The following TNFSF4 variants were observed in gnomAD, a reference collection of about 807,000 sequenced individuals.
The protein encoded by TNFSF4 is TNF superfamily member 4.
In TNFSF4, 4 loss-of-function variants were observed where a neutral mutation model predicts 7.3. That is an observed-to-expected ratio of 0.55 (90% CI 0.27 to 1.25). The LOEUF (loss-of-function observed/expected upper bound fraction) is 1.25. TNFSF4 is among the 50% of genes most tolerant of loss of function. TNFSF4 has a pLI of 0.12. For missense variants in TNFSF4, 181 were observed against 208.8 expected, an observed-to-expected ratio of 0.87 and a Z score of 0.82; for synonymous variants, 76 against 83.7, an observed-to-expected ratio of 0.91 and a Z score of 0.50.
At chr1:173,394,783 C>T in the TNFSF4 span, among the ~76,000 whole-genome samples, 180 of 152,206 alleles carry the variant, frequency 1.2e-3, 1 homozygote, top group African/African-American at 4.0e-3. Context: ...CTGAACTTAT[C>T]CCTTTCAAGG....
At chr1:173,374,094 C>A in the TNFSF4 span, among the ~76,000 whole-genome samples, 3 of 152,272 alleles carry the variant, frequency 2.0e-5, no homozygotes, top group Admixed American at 2.0e-4. Flanking sequence ...CTTGCCCATG[C>A]CCTTGTTAAA....
upstream of TNFSF4, among the ~76,000 whole-genome samples, chr1:173,211,508 C>A (rs1650371555): frequency 6.6e-6 from 1 of 152,198 alleles, no homozygotes; most frequent in Non-Finnish European, 1.5e-5. Flanking sequence ...TGAGCTCCTG[C>A]AGTCAGCTCT....
the TNFSF4 span, among the ~76,000 whole-genome samples, chr1:173,442,766 G>A: frequency 6.6e-6 from 1 of 151,796 alleles, no homozygotes; most frequent in Non-Finnish European, 1.5e-5. Context: ...GGTCAGGCTG[G>A]TCTCGAACTC....
At chr1:173,179,067 T>A (rs1649005712), downstream of TNFSF4, among the ~76,000 whole-genome samples, 1 of 152,234 alleles carries the variant, frequency 6.6e-6, no homozygotes, top group Non-Finnish European at 1.5e-5. Context: ...GCTAACAACA[T>A]GCTTTTAGCC....
the TNFSF4 span, among the ~76,000 whole-genome samples, chr1:173,281,052 A>G: frequency 6.6e-6 from 1 of 152,100 alleles, no homozygotes; most frequent in South Asian, 2.1e-4. Context: ...TTGAGTCTCA[A>G]AAAAATGGGG....
At chr1:173,437,748 T>C in the TNFSF4 span, among the ~76,000 whole-genome samples, 2 of 152,196 alleles carry the variant, frequency 1.3e-5, no homozygotes, top group Non-Finnish European at 2.9e-5. Context: ...GTTCCATCTA[T>C]ATACAGTCCA....
At chr1:173,266,906 T>C in the TNFSF4 span, among the ~76,000 whole-genome samples, 1 of 152,158 alleles carries the variant, frequency 6.6e-6, no homozygotes, top group East Asian at 1.9e-4. Flanking sequence ...TCATTCTCAG[T>C]ATCACGGTGT....
At chr1:173,192,214 A>C (rs1649517950) in intron 1 of TNFSF4, among the ~76,000 whole-genome samples, 1 of 152,214 alleles carries the variant, frequency 6.6e-6, no homozygotes, top group African/African-American at 2.4e-5. Context: ...CAAATCCTTG[A>C]GTTTCAGTCT....
the TNFSF4 span, among the ~76,000 whole-genome samples, chr1:173,410,580 C>T: frequency 3.6e-4 from 55 of 152,288 alleles, no homozygotes; most frequent in African/African-American, 1.3e-3. Flanking sequence ...TGGGAGGGAA[C>T]ATTCAAAAGA....
At chr1:173,378,877 T>TCCCC in the TNFSF4 span, among the ~76,000 whole-genome samples, 1 of 131,658 alleles carries the variant, frequency 7.6e-6, no homozygotes, top group African/African-American at 2.8e-5. Context: ...AGAACCCCCC[T>TCCCC]CCCCCCCCAC....
chr1:173,223,257 C>T, the TNFSF4 span, among the ~76,000 whole-genome samples: 4 of 152,154 alleles, frequency 2.6e-5, no homozygotes, highest in Non-Finnish European at 5.9e-5. Context: ...ACCTGGCATA[C>T]AGCTTTTAAC....
At chr1:173,356,233 C>T in the TNFSF4 span, among the ~76,000 whole-genome samples, 1 of 152,132 alleles carries the variant, frequency 6.6e-6, no homozygotes, top group African/African-American at 2.4e-5. Flanking sequence ...CAAGAATTTC[C>T]AGTGAGGAAC....
chr1:173,370,799 G>A, the TNFSF4 span, among the ~76,000 whole-genome samples: 1 of 151,804 alleles, frequency 6.6e-6, no homozygotes, highest in African/African-American at 2.4e-5. Flanking sequence ...CCTTAGTCAT[G>A]GCCCTTAGTC....
At chr1:173,359,438 A>G in the TNFSF4 span, among the ~76,000 whole-genome samples, 1 of 143,270 alleles carries the variant, frequency 7.0e-6, no homozygotes, top group Non-Finnish European at 1.5e-5. Flanking sequence ...GTCAGAGTCT[A>G]AGAGTTTTAT....
At position 173,186,822 on chromosome 1, in the gene TNFSF4, C is replaced by T. The variant is rs139594528; in HGVS notation, c.246G>A (p.Glu82=). 523 of 1,610,928 alleles carry T rather than the reference C, an allele frequency of 3.2e-4. 2 individuals are homozygous for T. Among genetic ancestry groups the T allele is most frequent in the Middle Eastern group, 3.0e-3 (18 of 6,040 alleles). ...EKGFILTSQK[E]DEIMKVQNNS... is the part of the protein sequence containing the mutation. ...TGTTCTGCACCTTCATGATTTCATC[C>T]TCCTTTTGGGAAGTGAGGATGAAAC... The change falls in exon 3 of 3, where the codon GAG becomes GAA. Residue 82 remains glutamate, a synonymous_variant. Transcript: ENST00000281834.
chr1:173,339,052 C>G, the TNFSF4 span, among the ~76,000 whole-genome samples: 1 of 152,112 alleles, frequency 6.6e-6, no homozygotes, highest in African/African-American at 2.4e-5. Flanking sequence ...CTACTAATGA[C>G]CTAGACCCCT....
At chr1:173,336,448 C>G in the TNFSF4 span, among the ~76,000 whole-genome samples, 33 of 152,280 alleles carry the variant, frequency 2.2e-4, no homozygotes, top group Admixed American at 2.0e-3. Context: ...TCTCTGGTAC[C>G]TGGTATGCAG....
At chr1:173,188,064 T>C (rs1236625186) in intron 2 of TNFSF4, among the ~76,000 whole-genome samples, 1 of 152,232 alleles carries the variant, frequency 6.6e-6, no homozygotes, top group South Asian at 2.1e-4. Context: ...GCACTAATCA[T>C]GGACCCAAAC....
At chr1:173,343,782 GATGGATGGGTGGATGC>G in the TNFSF4 span, among the ~76,000 whole-genome samples, 9 of 152,224 alleles carry the variant, frequency 5.9e-5, no homozygotes, top group Admixed American at 5.2e-4. Flanking sequence ...TGGATGGATG[GATGGATGGGTGGATGC>G]ATGGATAAAT....
Sources: gnomAD v4.1 joint callset for allele counts (sites outside exome capture counted in the v4.1 genomes callset) on GRCh38, gnomAD v4.1.1 for gene constraint, MANE v1.5 for transcripts, NCBI Gene and HGNC (gene_info 2026-07-23, HGNC 2026-07-21) for gene names.